The following DOCK7 variants were observed in gnomAD, a reference collection of about 807,000 sequenced individuals.
DOCK7 encodes dedicator of cytokinesis protein 7.
Under a neutral mutation model 271.0 loss-of-function variants are expected in DOCK7, and 138 were observed. That is an observed-to-expected ratio of 0.51 (90% CI 0.44 to 0.59). The LOEUF (loss-of-function observed/expected upper bound fraction) is 0.59, where lower values mean the gene tolerates loss of function less well. DOCK7 is among the 20% of genes least tolerant of loss of function. The pLI is 0.00. For missense variants in DOCK7, 2,066 were observed against 2,592.4 expected, an observed-to-expected ratio of 0.80 and a Z score of 4.41; for synonymous variants, 823 against 876.1, an observed-to-expected ratio of 0.94 and a Z score of 1.07.
At chr1:62,685,887 A>G (rs972366249) in intron 1 of DOCK7, among the ~76,000 whole-genome samples, 5 of 152,190 alleles carry the variant, frequency 3.3e-5, no homozygotes, top group Admixed American at 3.3e-4. Context: ...TGTCTGTCCA[A>G]TAAGTGCACA....
intron 18 of DOCK7, among the ~76,000 whole-genome samples, chr1:62,570,663 A>C (rs1646741206): frequency 1.3e-5 from 2 of 152,220 alleles, no homozygotes; most frequent in African/African-American, 4.8e-5. Flanking sequence ...CTATACTGAA[A>C]GGGTACAATA....
chr1:62,599,558 TC>T (rs1649806694), intron 14 of DOCK7, among the ~76,000 whole-genome samples: 1 of 152,086 alleles, frequency 6.6e-6, no homozygotes, highest in Non-Finnish European at 1.5e-5. Flanking sequence ...TCTCTTCTAT[TC>T]CTGCACTAAA....
rs760320905 is a variant in DOCK7, at chr1:62,488,860, T to G, written c.5493+74A>C. On this transcript the variant is annotated intron_variant, in intron 42 of 49. Transcript: ENST00000635253. Reference sequence around the variant, plus strand: ...TCATTTCACGGGATCTAGTTTGACATCAGTGCAAAACAACATTAATGCTTT... The same window carrying G: ...TCATTTCACGGGATCTAGTTTGACAGCAGTGCAAAACAACATTAATGCTTT... 5 of 1,575,022 alleles carry G rather than the reference T, an allele frequency of 3.2e-6. No homozygotes were observed. In the South Asian group the frequency reaches 4.5e-5, roughly 14 times the overall value.
At chr1:62,556,521 GA>G (rs750749381) in intron 20 of DOCK7, among the ~76,000 whole-genome samples, 174 of 133,214 alleles carry the variant, frequency 1.3e-3, no homozygotes, top group African/African-American at 2.2e-3. Context: ...TGATTAGAAG[GA>G]AAAAAAAAAA....
In DOCK7 at chr1:62,457,841, TCACACACACATACA is replaced by T. The variant is rs1001694101; in HGVS notation, c.6213-150_6213-137del. On this transcript the variant is annotated intron_variant, in intron 48 of 49. Coordinates refer to ENST00000635253, the MANE Select transcript of DOCK7 (RefSeq NM_001367561.1). ...ACACAGACTATATATGTGGGCCTAA[TCACACACACATACA>T]CACAAAAATATAGGCCAGGCATGGT... 16 of 801,172 alleles carry T rather than the reference TCACACACACATACA, an allele frequency of 2.0e-5. No individual in the cohort carries two copies. In the African/African-American group the frequency reaches 2.6e-4, roughly 13 times the overall value. The allele number at this position is 801,172 out of a possible 1,614,324, so 49.6% of individuals were successfully genotyped here. A position where few individuals can be genotyped will look rare whatever the true frequency, so the allele number is the denominator to read the frequency against.
intron 13 of DOCK7, among the ~76,000 whole-genome samples, chr1:62,619,595 C>T (rs10889350): frequency 0.42 from 63,931 of 151,986 alleles, 15,232 homozygotes; most frequent in African/African-American, 0.66. Context: ...TCTCTTTCTC[C>T]CTGTTCCTCT....
chr1:62,555,743 G>T, intron 21 of DOCK7, 82 bp downstream of exon 21: 1 of 1,456,354 alleles, frequency 6.9e-7, no homozygotes. Context: ...ATGGATCACA[G>T]TATGGACTAC....
chr1:62,680,408 C>A (rs1168118), intron 1 of DOCK7, among the ~76,000 whole-genome samples: 145,563 of 151,578 alleles, frequency 0.96, 70,186 homozygotes, highest in Middle Eastern at 1. Context: ...TAAAGACTTA[C>A]ATGTTAAACC....
chr1:62,484,053 A>T (rs1646221713), intron 43 of DOCK7: 2 of 152,098 alleles, frequency 1.3e-5, no homozygotes, highest in African/African-American at 4.8e-5. Flanking sequence ...AACTGCTTGG[A>T]TGTGTTACTT....
At chr1:62,662,885 C>A in intron 2 of DOCK7, 140 bp downstream of exon 2, 1 of 558,708 alleles carries the variant, frequency 1.8e-6, no homozygotes, top group Non-Finnish European at 3.0e-6. Context: ...TCTCCCAACT[C>A]AGATTTCAAC....
intron 14 of DOCK7, among the ~76,000 whole-genome samples, chr1:62,611,039 G>GCC (rs1651722862): frequency 1.3e-5 from 2 of 152,136 alleles, no homozygotes; most frequent in African/African-American, 4.8e-5. Flanking sequence ...TCGCCACACT[G>GCC]TCTTCCACAA....
At chr1:62,506,382 C>T (rs1172270206) in intron 35 of DOCK7, among the ~76,000 whole-genome samples, 1 of 152,100 alleles carries the variant, frequency 6.6e-6, no homozygotes, top group African/African-American at 2.4e-5. Context: ...ATGGCCGCAG[C>T]TCAAGCAACC....
At chr1:62,608,142 T>C (rs984782651) in intron 14 of DOCK7, 1 of 152,210 alleles carries the variant, frequency 6.6e-6, no homozygotes, top group African/African-American at 2.4e-5. Flanking sequence ...GTGATGTTCC[T>C]AGAAGATGTG....
At chr1:62,503,088 G>A (rs1646833424) in intron 37 of DOCK7, among the ~76,000 whole-genome samples, 1 of 151,980 alleles carries the variant, frequency 6.6e-6, no homozygotes, top group Non-Finnish European at 1.5e-5. Context: ...AATTCCAAAG[G>A]AGAAAAACTC....
intron 1 of DOCK7, among the ~76,000 whole-genome samples, chr1:62,666,849 A>G (rs906198311): frequency 3.9e-5 from 6 of 152,324 alleles, no homozygotes; most frequent in Admixed American, 1.3e-4. Context: ...CTAAATTATA[A>G]TATGAAAAAA....
intron 2 of DOCK7, among the ~76,000 whole-genome samples, chr1:62,655,709 G>A (rs1657941755): frequency 6.6e-6 from 1 of 152,184 alleles, no homozygotes. Context: ...TTACAGGTGT[G>A]AGCCACGGCG....
In DOCK7 at chr1:62,455,121, TTAAAG is replaced by T; in HGVS notation, c.*288_*292del. On this transcript the variant is annotated 3_prime_UTR_variant, in exon 50 of 50. Coordinates refer to ENST00000635253, the MANE Select transcript of DOCK7 (RefSeq NM_001367561.1). ...GTAATATAAATTAAAAAATACGAAC[TTAAAG>T]TGAATAAATTTTTAACCTTAGCTAT... is the stretch of plus-strand genomic sequence containing the variant. 1.9e-6 allele frequency: 1 copy of T among 532,768 alleles called. No individual in the cohort carries two copies. The highest frequency in any genetic ancestry group is 1.9e-5 in the African/African-American group (1 of 51,644). 33.0% of individuals were successfully genotyped at this position (532,768 alleles called of 1,614,324 possible).
In DOCK7 at chr1:62,634,563, C is replaced by T. The variant is rs549207619; in HGVS notation, c.1035+210G>A. 2.0e-5 allele frequency: 8 copies of T among 402,296 alleles called. No homozygotes were observed. The South Asian group carries it at 2.0e-4, about 10-fold the overall frequency. The allele number at this position is 402,296 out of a possible 1,614,324, so 24.9% of individuals were successfully genotyped here. On this transcript the variant is annotated intron_variant, in intron 9 of 49. Transcript: ENST00000635253. ...ACAGATCTAAGATATATATATAATT[C>T]CTATTAGTTCTGTTTCACTGGAGAA...
chr1:62,535,264 C>G (rs566623662), intron 29 of DOCK7, among the ~76,000 whole-genome samples: 37 of 152,000 alleles, frequency 2.4e-4, no homozygotes, highest in Non-Finnish European at 3.8e-4. Context: ...TGATACGCCA[C>G]CAATTTTAAG....
Sources: allele counts gnomAD v4.1 joint callset (sites outside exome capture counted in the v4.1 genomes callset), GRCh38; gene constraint gnomAD v4.1.1; transcripts MANE v1.5; gene names NCBI Gene and HGNC (gene_info 2026-07-23, HGNC 2026-07-21).